Variants in AKT3 observed in about 807,000 individuals in gnomAD.
AKT3 encodes the protein AKT serine/threonine kinase 3, also known as RAC-gamma serine/threonine-protein kinase.
Under a neutral mutation model 65.3 loss-of-function variants are expected in AKT3, and 15 were observed. That is an observed-to-expected ratio of 0.23 (90% CI 0.15 to 0.35). The LOEUF (loss-of-function observed/expected upper bound fraction) is 0.35, where lower values mean the gene tolerates loss of function less well. Among genes scored for constraint, AKT3 ranks in the 10% least tolerant of loss-of-function variants. The pLI is 1.00. For synonymous variants in AKT3, 206 were observed against 183.8 expected (o/e 1.12, Z -0.98); for missense variants, 243 against 576.5 (o/e 0.42, Z 5.92).
intron 2 of AKT3, among the ~76,000 whole-genome samples, chr1:243,731,572 A>AT (rs1160670695): frequency 1.3e-5 from 2 of 152,220 alleles, no homozygotes; most frequent in Non-Finnish European, 2.9e-5. Flanking sequence ...TAGAGAGATT[A>AT]TTTTTTAAAC....
chr1:243,495,939 C>A (rs376465008), downstream of AKT3, among the ~76,000 whole-genome samples: 1 of 152,108 alleles, frequency 6.6e-6, no homozygotes, highest in Non-Finnish European at 1.5e-5. Context: ...TGCCTGGATT[C>A]GAATCTCAGC....
intron 8 of AKT3, among the ~76,000 whole-genome samples, chr1:243,581,363 A>C (rs1369540152): frequency 6.6e-6 from 1 of 152,164 alleles, no homozygotes; most frequent in Non-Finnish European, 1.5e-5. Context: ...GTATACACTA[A>C]GCCATGTTGG....
At chr1:243,614,866 GA>G (rs1473262792) in intron 7 of AKT3, among the ~76,000 whole-genome samples, 2 of 151,628 alleles carry the variant, frequency 1.3e-5, no homozygotes, top group East Asian at 1.9e-4. Context: ...ATTCATGGGA[GA>G]AAAAAAATTC....
chr1:243,733,549 T>TA (rs1179761181), intron 2 of AKT3, among the ~76,000 whole-genome samples: 1 of 152,114 alleles, frequency 6.6e-6, no homozygotes, highest in African/African-American at 2.4e-5. Flanking sequence ...AGAATGCCAA[T>TA]AAGTATAAGC....
rs1674801923 is a variant in AKT3 at position 243,574,559 on chromosome 1, C to T, written c.697-1511G>A. Among the ~76,000 whole-genome samples the T allele has an allele frequency of 5.3e-5, 8 of 151,976 alleles. No individual in the cohort carries two copies. The South Asian group carries it at 1.7e-3, about 32-fold the overall frequency. On this transcript the variant is annotated intron_variant, in intron 8 of 13. Transcript: ENST00000673466. ...TCTATTCTAAAAGGCATTCTGATTA[C>T]AGAAATGTTAAGTATGTCTTCCAAA...
At chr1:243,710,835 T>C (rs1476117121) in intron 2 of AKT3, among the ~76,000 whole-genome samples, 1 of 152,210 alleles carries the variant, frequency 6.6e-6, no homozygotes, top group African/African-American at 2.4e-5. Context: ...TAAAGAGTTG[T>C]GACAATCAAA....
At chr1:243,659,300 G>A (rs542982313) in intron 4 of AKT3, among the ~76,000 whole-genome samples, 70 of 152,312 alleles carry the variant, frequency 4.6e-4, no homozygotes, top group African/African-American at 1.7e-3. Context: ...AATGGGAACA[G>A]AGGTTCAGTC....
chr1:243,813,794 A>T (rs1414716977), intron 2 of AKT3, among the ~76,000 whole-genome samples: 2 of 152,228 alleles, frequency 1.3e-5, no homozygotes, highest in Non-Finnish European at 2.9e-5. Context: ...CATTCAAATG[A>T]TTCAATTAAA....
rs371470411 is a variant in AKT3, at chr1:243,758,857, C to A, written c.47-63141G>T. ...TCCCAGGTCCTAACAGGTCAGGGACCAGTACTTGTCCACAGGCTGGGGGTT... is the reference window on the plus strand; with the variant it reads ...TCCCAGGTCCTAACAGGTCAGGGACAAGTACTTGTCCACAGGCTGGGGGTT... On this transcript the variant is annotated intron_variant, in intron 2 of 13. Coordinates refer to ENST00000673466, the MANE Select transcript of AKT3 (RefSeq NM_005465.7). Among the ~76,000 whole-genome samples, 13 of 152,246 alleles carry A rather than the reference C, an allele frequency of 8.5e-5. No homozygotes were observed. In the East Asian group the frequency reaches 2.5e-3, roughly 29 times the overall value.
chr1:243,825,312 G>A (rs1694103247), intron 2 of AKT3, among the ~76,000 whole-genome samples: 1 of 152,142 alleles, frequency 6.6e-6, no homozygotes, highest in Non-Finnish European at 1.5e-5. Flanking sequence ...TTAATACCTA[G>A]ATGATGGGTT....
chr1:243,690,577 AAAG>A (rs1385616386), intron 3 of AKT3, among the ~76,000 whole-genome samples: 3 of 152,164 alleles, frequency 2.0e-5, no homozygotes, highest in Non-Finnish European at 2.9e-5. Context: ...TGATCCACCC[AAAG>A]AAGGGTGAAC....
intron 6 of AKT3, among the ~76,000 whole-genome samples, chr1:243,621,714 G>C (rs1267188829): frequency 6.6e-6 from 1 of 152,118 alleles, no homozygotes; most frequent in Non-Finnish European, 1.5e-5. Context: ...ATCTCCCCTT[G>C]AAAAGTTTCT....
intron 13 of AKT3, among the ~76,000 whole-genome samples, chr1:243,508,988 TGGTC>T (rs1185243605): frequency 6.6e-5 from 10 of 152,124 alleles, no homozygotes; most frequent in African/African-American, 2.4e-4. Flanking sequence ...CAGACTTTTG[TGGTC>T]CTACAATTGC....
At chr1:243,632,394 C>CT (rs1415742270) in intron 6 of AKT3, among the ~76,000 whole-genome samples, 2 of 152,116 alleles carry the variant, frequency 1.3e-5, no homozygotes, top group African/African-American at 4.8e-5. Flanking sequence ...AAAAAGTAAT[C>CT]TTTTTTTCTG....
chr1:243,584,550 A>T (rs982271971), intron 8 of AKT3, among the ~76,000 whole-genome samples: 9 of 152,206 alleles, frequency 5.9e-5, no homozygotes, highest in African/African-American at 2.2e-4. Context: ...ACAAAATACT[A>T]GCAAACTGAA....
intron 8 of AKT3, among the ~76,000 whole-genome samples, chr1:243,600,902 A>C (rs1676956335): frequency 6.6e-6 from 1 of 152,122 alleles, no homozygotes; most frequent in African/African-American, 2.4e-5. Context: ...ACTGGTTGGA[A>C]AGCCTATCAG....
At chr1:243,705,766 T>C (rs1030050637) in intron 2 of AKT3, among the ~76,000 whole-genome samples, 1 of 152,048 alleles carries the variant, frequency 6.6e-6, no homozygotes, top group Non-Finnish European at 1.5e-5. Flanking sequence ...ACTCAATCTG[T>C]ACGCAGCCTC....
chr1:243,577,155 T>C (rs1198393126), intron 8 of AKT3, among the ~76,000 whole-genome samples: 1 of 152,076 alleles, frequency 6.6e-6, no homozygotes, highest in African/African-American at 2.4e-5. Flanking sequence ...GATTGCTTGA[T>C]TGAATGATTG....
chr1:243,630,523 G>GA (rs1459476760), intron 6 of AKT3, among the ~76,000 whole-genome samples: 4 of 152,320 alleles, frequency 2.6e-5, no homozygotes, highest in Admixed American at 6.5e-5. Flanking sequence ...CCCAGCAAGG[G>GA]AAATTCGATT....
Sources: gnomAD v4.1 joint callset for allele counts (sites outside exome capture counted in the v4.1 genomes callset) on GRCh38, gnomAD v4.1.1 for gene constraint, MANE v1.5 for transcripts, NCBI Gene and HGNC (gene_info 2026-07-23, HGNC 2026-07-21) for gene names.